Variants in PCSK5 observed in about 807,000 individuals in gnomAD.
PCSK5 encodes the protein proprotein convertase subtilisin/kexin type 5.
A neutral mutation model predicts 233.2 loss-of-function variants in PCSK5; 129 were observed. The ratio of observed to expected loss-of-function variants is 0.55; its 90% confidence interval spans 0.48 to 0.64. The LOEUF (loss-of-function observed/expected upper bound fraction) is 0.64, where lower values mean the gene tolerates loss of function less well. Ranked by LOEUF, PCSK5 falls within the 30% of genes least tolerant of loss-of-function variation. The pLI is 0.00. For synonymous variants in PCSK5, 825 were observed against 879.2 expected, an observed-to-expected ratio of 0.94 and a Z score of 1.09; for missense variants, 2,076 against 2,430.1, an observed-to-expected ratio of 0.85 and a Z score of 3.06.
chr9:76,129,367 A>G (rs929319778), intron 9 of PCSK5, among the ~76,000 whole-genome samples: 1 of 152,130 alleles, frequency 6.6e-6, no homozygotes, highest in African/African-American at 2.4e-5. Context: ...TATTTTTCCC[A>G]TTGATCTGGG....
At chr9:76,007,855 A>C (rs572018327) in intron 3 of PCSK5, among the ~76,000 whole-genome samples, 43 of 139,310 alleles carry the variant, frequency 3.1e-4, no homozygotes, top group African/African-American at 1.1e-3. Flanking sequence ...TTTTGTAGCC[A>C]CAAAAAAATA....
At chr9:76,204,786 C>G (rs542022742) in intron 20 of PCSK5, among the ~76,000 whole-genome samples, 8 of 152,056 alleles carry the variant, frequency 5.3e-5, no homozygotes, top group Non-Finnish European at 1.2e-4. Flanking sequence ...ATAAAAATAC[C>G]GTGGCACAGT....
At chr9:76,095,170 TTATGG>T (rs1831456246) in intron 7 of PCSK5, among the ~76,000 whole-genome samples, 2 of 152,204 alleles carry the variant, frequency 1.3e-5, no homozygotes, top group African/African-American at 4.8e-5. Context: ...ACCCTTTTAT[TTATGG>T]TAGCATCCAT....
intron 28 of PCSK5, among the ~76,000 whole-genome samples, chr9:76,303,422 C>T (rs999632495): frequency 6.6e-6 from 1 of 152,010 alleles, no homozygotes; most frequent in African/African-American, 2.4e-5. Flanking sequence ...TAAATATGTG[C>T]ATATTTGTAG....
chr9:76,225,169 T>C (rs754290734), intron 20 of PCSK5, among the ~76,000 whole-genome samples: 3 of 152,218 alleles, frequency 2.0e-5, no homozygotes, highest in Non-Finnish European at 4.4e-5. Flanking sequence ...TCTGAGGAAG[T>C]AGAAGTCCCT....
At chr9:76,293,557 C>G (rs1181242614) in intron 25 of PCSK5, among the ~76,000 whole-genome samples, 1 of 152,190 alleles carries the variant, frequency 6.6e-6, no homozygotes, top group Non-Finnish European at 1.5e-5. Flanking sequence ...TCAAGTGATT[C>G]TTGTGCCTCA....
intron 30 of PCSK5, among the ~76,000 whole-genome samples, chr9:76,317,073 A>C (rs1377669851): frequency 6.6e-6 from 1 of 152,148 alleles, no homozygotes; most frequent in African/African-American, 2.4e-5. Flanking sequence ...AAACTATATC[A>C]GAAATATGAC....
At chr9:75,979,042 C>T (rs369593179) in intron 2 of PCSK5, among the ~76,000 whole-genome samples, 5 of 151,818 alleles carry the variant, frequency 3.3e-5, no homozygotes, top group Admixed American at 6.6e-5. Flanking sequence ...TTAGTAGAGA[C>T]GGGGTTTCTC....
At chr9:76,339,512 A>G (rs1357646270) in intron 35 of PCSK5, among the ~76,000 whole-genome samples, 1 of 151,974 alleles carries the variant, frequency 6.6e-6, no homozygotes, top group East Asian at 1.9e-4. Context: ...CATTCTATGC[A>G]TTTACTTACT....
intron 7 of PCSK5, among the ~76,000 whole-genome samples, chr9:76,073,834 G>A (rs1471576957): frequency 6.6e-6 from 1 of 152,002 alleles, no homozygotes; most frequent in African/African-American, 2.4e-5. Flanking sequence ...TATTTTTGCT[G>A]GGGAGTCTTT....
intron 24 of PCSK5, among the ~76,000 whole-genome samples, chr9:76,241,885 G>A (rs551265786): frequency 2.6e-5 from 4 of 152,244 alleles, no homozygotes; most frequent in South Asian, 2.1e-4. Flanking sequence ...AAACTTCAAC[G>A]TGGGCACAAA....
chr9:76,322,723 T>C (rs1248693136), intron 31 of PCSK5, among the ~76,000 whole-genome samples: 1 of 152,270 alleles, frequency 6.6e-6, no homozygotes, highest in Admixed American at 6.5e-5. Context: ...AATCTGTTAA[T>C]GCTCTTCGGG....
chr9:76,313,283 A>G (rs552815453), intron 30 of PCSK5, among the ~76,000 whole-genome samples: 1 of 152,364 alleles, frequency 6.6e-6, no homozygotes, highest in Admixed American at 6.5e-5. Flanking sequence ...TTATTGAGAT[A>G]TAATTCACAT....
chr9:76,108,550 C>T (rs1288390283), intron 9 of PCSK5, among the ~76,000 whole-genome samples: 1 of 152,132 alleles, frequency 6.6e-6, no homozygotes, highest in African/African-American at 2.4e-5. Context: ...GTCAAGAGAT[C>T]GAGACTATCC....
chr9:76,125,785 G>A (rs1333327410), intron 9 of PCSK5, among the ~76,000 whole-genome samples: 2 of 152,184 alleles, frequency 1.3e-5, no homozygotes, highest in South Asian at 2.1e-4. Flanking sequence ...GAAGCTCAAG[G>A]CTTCCAAGGC....
At chr9:76,104,755 A>G (rs931274185) in intron 8 of PCSK5, among the ~76,000 whole-genome samples, 3 of 152,246 alleles carry the variant, frequency 2.0e-5, no homozygotes, top group Admixed American at 2.0e-4. Flanking sequence ...AAGGAGAGCC[A>G]AGTGGGAAAA....
intron 1 of PCSK5, among the ~76,000 whole-genome samples, chr9:75,925,766 T>C (rs1332309739): frequency 6.6e-6 from 1 of 152,186 alleles, no homozygotes; most frequent in Non-Finnish European, 1.5e-5. Flanking sequence ...GGCCTCCTCC[T>C]TATGGATTCT....
chr9:76,177,594 T>C (rs1189560678), intron 14 of PCSK5, among the ~76,000 whole-genome samples: 12 of 152,232 alleles, frequency 7.9e-5, no homozygotes, highest in Non-Finnish European at 1.6e-4. Context: ...ATTTATATTT[T>C]AACTAGCAAA....
Position 76,179,384 on chromosome 9 carries a change from AC to A in PCSK5, c.1901-210del, listed in dbSNP as rs934817291. On this transcript the variant is annotated intron_variant, in intron 14 of 37. Coordinates refer to ENST00000674117, the MANE Select transcript of PCSK5 (RefSeq NM_001372043.1). Reference sequence around the variant, plus strand: ...CATGACTAGAATTTACATTCTTTATACCTAGGTAATTGAGGTTGCCTAGGAA... The same window carrying A: ...CATGACTAGAATTTACATTCTTTATACTAGGTAATTGAGGTTGCCTAGGAA... 2.9e-4 allele frequency among the ~76,000 whole-genome samples: 44 copies of A among 152,206 alleles called. 1 individual carries two copies. The highest frequency in any genetic ancestry group is 9.4e-4 in the African/African-American group (39 of 41,528).
Sources: gnomAD v4.1 joint callset for allele counts (sites outside exome capture counted in the v4.1 genomes callset) on GRCh38, gnomAD v4.1.1 for gene constraint, MANE v1.5 for transcripts, NCBI Gene and HGNC (gene_info 2026-07-23, HGNC 2026-07-21) for gene names.